SCAPER: variants seen among roughly 807,000 people sequenced by gnomAD.
SCAPER encodes the protein S phase cyclin A-associated protein in the endoplasmic reticulum.
A neutral mutation model predicts 182.2 loss-of-function variants in SCAPER; 98 were observed. The observed-to-expected ratio is 0.54, with a 90% CI of 0.46 to 0.64. The LOEUF is 0.64. Among genes scored for constraint, SCAPER ranks in the 30% least tolerant of loss-of-function variants. The pLI, the probability that SCAPER is intolerant of heterozygous loss-of-function variation, is 0.00. For missense variants in SCAPER, 1,432 were observed against 1,690.0 expected, an observed-to-expected ratio of 0.85 and a Z score of 2.68; for synonymous variants, 605 against 564.6, an observed-to-expected ratio of 1.07 and a Z score of -1.01.
rs1295951310 is a variant in SCAPER, at chr15:76,603,663, C to T, written c.2711+18101G>A. Among the ~76,000 whole-genome samples, 18 of 121,210 alleles carry T rather than the reference C, an allele frequency of 1.5e-4. 5 individuals carry two copies. Among genetic ancestry groups the T allele is most frequent in the Non-Finnish European group, 4.0e-5 (2 of 49,904 alleles). The allele number at this position is 121,210 out of a possible 152,430, so 79.5% of individuals were successfully genotyped here. ...GTCCCACTCACAGTGTAAAAGTGTT[C>T]CTATTTCTCCACATCCTCTCCAGCA... On this transcript the variant is annotated intron_variant, in intron 22 of 31. Coordinates refer to ENST00000563290, the MANE Select transcript of SCAPER (RefSeq NM_020843.4).
intron 26 of SCAPER, among the ~76,000 whole-genome samples, chr15:76,405,109 C>CT (rs35039615): frequency 0.5 from 55,779 of 112,352 alleles, 15,503 homozygotes; most frequent in Non-Finnish European, 0.59. Context: ...ACAACTTACA[C>CT]TTTTTTTTTT....
chr15:76,481,269 C>G (rs372399599), intron 24 of SCAPER, among the ~76,000 whole-genome samples: 2 of 152,158 alleles, frequency 1.3e-5, no homozygotes, highest in East Asian at 3.9e-4. Context: ...TGCTGGGAGG[C>G]AAGATTAAAA....
intron 23 of SCAPER, among the ~76,000 whole-genome samples, chr15:76,506,632 GA>G (rs1217045706): frequency 6.6e-6 from 1 of 151,680 alleles, no homozygotes; most frequent in African/African-American, 2.4e-5. Context: ...CCAGGCAAAG[GA>G]AAAAAATTAT....
At chr15:76,665,085 A>G (rs906791219) in intron 21 of SCAPER, among the ~76,000 whole-genome samples, 1 of 152,216 alleles carries the variant, frequency 6.6e-6, no homozygotes, top group African/African-American at 2.4e-5. Flanking sequence ...CTCATCCGTC[A>G]TCAGATGACA....
chr15:76,865,324 TA>T (rs2072192711), intron 2 of SCAPER, among the ~76,000 whole-genome samples: 1 of 152,122 alleles, frequency 6.6e-6, no homozygotes, highest in Non-Finnish European at 1.5e-5. Flanking sequence ...GCAACAGCCA[TA>T]AGACTGACAG....
chr15:76,904,290 C>T (rs992583046), intron 1 of SCAPER, among the ~76,000 whole-genome samples: 7 of 152,184 alleles, frequency 4.6e-5, no homozygotes, highest in African/African-American at 1.7e-4. Flanking sequence ...ACTCCTAGCC[C>T]ATCCATCCTT....
In SCAPER at chr15:76,434,347, A is replaced by G. The variant is rs771555348; in HGVS notation, c.3079-37T>C. On this transcript the variant is annotated intron_variant, in intron 25 of 31. Transcript: ENST00000563290. ...AAAAGTACAGTAAATATGTTTCAAT[A>G]AAACCACCAAAAATGGGCAGAGACA... The G allele has an allele frequency of 4.2e-6, 6 of 1,415,640 alleles. No individual in the cohort carries two copies. In the Admixed American group the frequency reaches 1.2e-4, roughly 29 times the overall value. 87.7% of individuals were successfully genotyped at this position (1,415,640 alleles called of 1,614,324 possible). A position where few individuals can be genotyped will look rare whatever the true frequency, so the allele number is the denominator to read the frequency against.
intron 21 of SCAPER, among the ~76,000 whole-genome samples, chr15:76,663,318 T>C (rs913199618): frequency 6.6e-6 from 1 of 152,150 alleles, no homozygotes; most frequent in African/African-American, 2.4e-5. Flanking sequence ...CCTGGAATTC[T>C]CACGGATTGC....
chr15:76,390,503 A>C (rs928814690), intron 27 of SCAPER, among the ~76,000 whole-genome samples: 4 of 152,188 alleles, frequency 2.6e-5, no homozygotes, highest in African/African-American at 9.7e-5. Context: ...GGCTCAGGAC[A>C]ATCTTAGGAA....
At chr15:76,837,761 C>T (rs2069084442) in intron 5 of SCAPER, among the ~76,000 whole-genome samples, 1 of 152,146 alleles carries the variant, frequency 6.6e-6, no homozygotes, top group African/African-American at 2.4e-5. Context: ...AGTACACGAA[C>T]AGACATTTGT....
intron 25 of SCAPER, among the ~76,000 whole-genome samples, chr15:76,463,063 T>C (rs2049316028): frequency 6.6e-6 from 1 of 152,102 alleles, no homozygotes; most frequent in South Asian, 2.1e-4. Context: ...CTCTCCAGTT[T>C]TGAAATTCTG....
chr15:76,834,827 TAC>T (rs937493803), intron 5 of SCAPER, among the ~76,000 whole-genome samples: 3 of 151,902 alleles, frequency 2.0e-5, no homozygotes, highest in Admixed American at 2.0e-4. Context: ...TCTGGAAACA[TAC>T]AACCTGCCAA....
intron 15 of SCAPER, among the ~76,000 whole-genome samples, chr15:76,741,231 T>C (rs1053055480): frequency 1.3e-5 from 2 of 152,100 alleles, no homozygotes; most frequent in Non-Finnish European, 2.9e-5. Context: ...AATAGGAAAA[T>C]GTCTGAAACA....
At chr15:76,530,161 C>T (rs562188827) in intron 23 of SCAPER, among the ~76,000 whole-genome samples, 2 of 152,086 alleles carry the variant, frequency 1.3e-5, no homozygotes, top group Non-Finnish European at 2.9e-5. Context: ...CAGGAATGTG[C>T]GCTAATGAGA....
chr15:76,769,388 A>G (rs2063315525), intron 10 of SCAPER, among the ~76,000 whole-genome samples: 1 of 144,246 alleles, frequency 6.9e-6, no homozygotes, highest in African/African-American at 2.6e-5. Flanking sequence ...GCTTGCAGTG[A>G]GCCAAGACTG....
chr15:76,748,467 C>A (rs1056634858), intron 15 of SCAPER, among the ~76,000 whole-genome samples: 1 of 151,512 alleles, frequency 6.6e-6, no homozygotes, highest in African/African-American at 2.4e-5. Context: ...TTTCTTAGCA[C>A]CAAAAACTAA....
At chr15:76,363,098 A>C (rs2041561623) in intron 29 of SCAPER, among the ~76,000 whole-genome samples, 1 of 152,158 alleles carries the variant, frequency 6.6e-6, no homozygotes, top group African/African-American at 2.4e-5. Context: ...CAGATACCAG[A>C]GCAGTTGTTT....
In SCAPER at chr15:76,440,374, A is replaced by G. The variant is rs140761971; in HGVS notation, c.3079-6064T>C. ...GCCAAAGTGGTTTCAAATACTTTCA[A>G]CATTCTTGTTTGCAATACAGAAAGA... On this transcript the variant is annotated intron_variant, in intron 25 of 31. Transcript: ENST00000563290. Among the ~76,000 whole-genome samples the G allele has an allele frequency of 5.6e-4, 85 of 152,336 alleles. 1 individual carries two copies. Among genetic ancestry groups the G allele is most frequent in the African/African-American group, 1.8e-3 (76 of 41,582 alleles).
chr15:76,379,126 T>C (rs2042763929), intron 28 of SCAPER, among the ~76,000 whole-genome samples: 1 of 152,222 alleles, frequency 6.6e-6, no homozygotes, highest in African/African-American at 2.4e-5. Flanking sequence ...ATTGGTATAT[T>C]AAAGGCCCCG....
Sources: allele counts gnomAD v4.1 joint callset (sites outside exome capture counted in the v4.1 genomes callset), GRCh38; gene constraint gnomAD v4.1.1; transcripts MANE v1.5; gene names NCBI Gene and HGNC (gene_info 2026-07-23, HGNC 2026-07-21).